NBAS: variants seen among roughly 807,000 people sequenced by gnomAD.
The protein encoded by NBAS is NAG/BC035112 fusion.
A neutral mutation model predicts 302.5 loss-of-function variants in NBAS; 219 were observed. That is an observed-to-expected ratio of 0.72 (90% CI 0.65 to 0.81). NBAS has a LOEUF of 0.81. Ranked by LOEUF, NBAS falls within the 30% of genes least tolerant of loss-of-function variation. The probability of loss-of-function intolerance (pLI) is 0.00; values close to 1 mark genes in which losing one functional copy is unlikely to be tolerated. For missense variants in NBAS, 2,932 were observed against 2,841.6 expected (o/e 1.03, Z -0.72); for synonymous variants, 1,118 against 1,021.6 (o/e 1.09, Z -1.80).
chr2:15,168,757 G>C (rs916093264), intron 51 of NBAS, among the ~76,000 whole-genome samples: 2 of 152,198 alleles, frequency 1.3e-5, no homozygotes, highest in Non-Finnish European at 2.9e-5. Flanking sequence ...ATCCTCCCAA[G>C]TAACTGGGAT....
chr2:15,113,367 T>G, the NBAS span, among the ~76,000 whole-genome samples: 1 of 67,986 alleles, frequency 1.5e-5, no homozygotes, highest in Non-Finnish European at 3.9e-5. Flanking sequence ...GTGTGTATCC[T>G]AGCTCTATAC....
the NBAS span, among the ~76,000 whole-genome samples, chr2:15,066,263 C>G: frequency 6.6e-6 from 1 of 152,026 alleles, no homozygotes; most frequent in Non-Finnish European, 1.5e-5. Context: ...TACTTAAGAC[C>G]TGAAATTATT....
rs376545384 is a variant in NBAS, at chr2:15,223,045, T to C, written c.6237-4077A>G. ...ATTGTGTTCTGGAAGCACCGAGTCA[T>C]AGATGTGCTTCACTATTACTGGTGC... On this transcript the variant is annotated intron_variant, in intron 47 of 51. Transcript: ENST00000281513. 8.5e-5 allele frequency among the ~76,000 whole-genome samples: 13 copies of C among 152,326 alleles called. No individual in the cohort carries two copies. The East Asian group carries it at 1.7e-3, about 20-fold the overall frequency.
Position 15,539,451 on chromosome 2 carries a change from A to G in NBAS, c.380-95T>C, listed in dbSNP as rs1663691892. On this transcript the variant is annotated intron_variant, in intron 6 of 51. Transcript: ENST00000281513. ...GCAACTAAAGTAAGTATTCAAGTAC[A>G]ATAATTACGTCATCTCCTAAGGATC... 6 of 1,426,012 alleles carry G rather than the reference A, an allele frequency of 4.2e-6. No homozygotes were observed. The East Asian group carries it at 1.2e-4, about 28-fold the overall frequency. The allele number at this position is 1,426,012 out of a possible 1,614,324, so 88.3% of individuals were successfully genotyped here.
At chr2:14,970,507 ACACG>A in the NBAS span, among the ~76,000 whole-genome samples, 1 of 152,228 alleles carries the variant, frequency 6.6e-6, no homozygotes, top group Admixed American at 6.5e-5. Flanking sequence ...AAGGAAACAG[ACACG>A]CCTGGTTTAA....
chr2:15,125,254 G>T, the NBAS span, among the ~76,000 whole-genome samples: 1 of 152,188 alleles, frequency 6.6e-6, no homozygotes, highest in African/African-American at 2.4e-5. Context: ...TCACAGTTCT[G>T]CAGGCTATAC....
At chr2:14,980,854 A>G in the NBAS span, among the ~76,000 whole-genome samples, 1 of 152,220 alleles carries the variant, frequency 6.6e-6, no homozygotes, top group Non-Finnish European at 1.5e-5. Context: ...ACAAGACGCT[A>G]TGGGCAGGTA....
the NBAS span, among the ~76,000 whole-genome samples, chr2:14,909,054 C>A: frequency 6.6e-6 from 1 of 152,208 alleles, no homozygotes; most frequent in Middle Eastern, 3.4e-3. Flanking sequence ...AACCACTGGC[C>A]GGGCGCGGTG....
the NBAS span, among the ~76,000 whole-genome samples, chr2:15,113,314 T>C: frequency 7.5e-6 from 1 of 133,638 alleles, no homozygotes; most frequent in Non-Finnish European, 1.6e-5. Flanking sequence ...GGTATTGGTA[T>C]GAACTCGTGT....
chr2:15,520,552 A>G (rs1662615196), intron 9 of NBAS, among the ~76,000 whole-genome samples: 1 of 152,132 alleles, frequency 6.6e-6, no homozygotes, highest in South Asian at 2.1e-4. Context: ...CAGATTATAA[A>G]TATTTTAGGC....
intron 51 of NBAS, among the ~76,000 whole-genome samples, chr2:15,177,657 T>C (rs1664613575): frequency 6.6e-6 from 1 of 152,208 alleles, no homozygotes; most frequent in Non-Finnish European, 1.5e-5. Flanking sequence ...ACTGAGAATA[T>C]GCAGAAGTTT....
rs556929306 is a variant in NBAS, at chr2:15,497,198, C to T, written c.954+6947G>A. On this transcript the variant is annotated intron_variant, in intron 11 of 51. Transcript: ENST00000281513. The stretch of plus-strand genomic sequence containing the variant: ...TAATGTCTTTTTGGATAATGTTAAG[C>T]ATTTGATTCTGTCATCATTCTTAGT... Among the ~76,000 whole-genome samples, 50 of 152,284 alleles carry T rather than the reference C, an allele frequency of 3.3e-4. 1 individual carries two copies. The South Asian group carries it at 9.3e-3, about 28-fold the overall frequency.
At chr2:15,246,392 T>A (rs1668096009) in intron 44 of NBAS, among the ~76,000 whole-genome samples, 1 of 152,190 alleles carries the variant, frequency 6.6e-6, no homozygotes, top group African/African-American at 2.4e-5. Flanking sequence ...AATCTCTGTA[T>A]CCCTAGACCT....
chr2:14,849,454 T>A, the NBAS span, among the ~76,000 whole-genome samples: 1 of 151,862 alleles, frequency 6.6e-6, no homozygotes, highest in East Asian at 1.9e-4. Flanking sequence ...TTACGTCTGA[T>A]TGGTGTACCT....
chr2:15,269,756 C>T (rs1669233292), intron 44 of NBAS, among the ~76,000 whole-genome samples: 1 of 152,206 alleles, frequency 6.6e-6, no homozygotes, highest in African/African-American at 2.4e-5. Flanking sequence ...TAAATCCATT[C>T]AAGTGCAACC....
chr2:15,540,311 A>C (rs1274555003), intron 6 of NBAS, among the ~76,000 whole-genome samples: 1 of 151,866 alleles, frequency 6.6e-6, no homozygotes, highest in East Asian at 1.9e-4. Context: ...CTGCCTCTCC[A>C]CCAGAGCCTT....
intron 36 of NBAS, 31 bp from the exon 37 acceptor site, chr2:15,328,343 TA>T: frequency 6.4e-7 from 1 of 1,562,702 alleles, no homozygotes; most frequent in South Asian, 1.1e-5. Context: ...GAACAATGGA[TA>T]AAAAGAAAGA....
At chr2:15,341,221 A>G (rs1344761872) in intron 35 of NBAS, among the ~76,000 whole-genome samples, 2 of 152,104 alleles carry the variant, frequency 1.3e-5, no homozygotes, top group East Asian at 1.9e-4. Flanking sequence ...CCCTGTCTCT[A>G]TTAAAAATAT....
chr2:15,027,546 T>G, the NBAS span, among the ~76,000 whole-genome samples: 4 of 152,036 alleles, frequency 2.6e-5, no homozygotes, highest in Non-Finnish European at 5.9e-5. Flanking sequence ...ATCTCTTGGG[T>G]TTTTTAGTGT....
Sources: gnomAD v4.1 joint callset for allele counts (sites outside exome capture counted in the v4.1 genomes callset) on GRCh38, gnomAD v4.1.1 for gene constraint, MANE v1.5 for transcripts, NCBI Gene and HGNC (gene_info 2026-07-23, HGNC 2026-07-21) for gene names.